The following KCNG3 variants were observed in gnomAD, a reference collection of about 807,000 sequenced individuals.
KCNG3 encodes potassium voltage-gated channel modifier subfamily G member 3.
Under a neutral mutation model 29.0 loss-of-function variants are expected in KCNG3, and 15 were observed. That is an observed-to-expected ratio of 0.52 (90% confidence interval 0.35 to 0.80). The LOEUF (loss-of-function observed/expected upper bound fraction) is 0.80, where lower values mean the gene tolerates loss of function less well. Among genes scored for constraint, KCNG3 ranks in the 30% least tolerant of loss-of-function variants. KCNG3 has a pLI of 0.01. For synonymous variants in KCNG3, 322 were observed against 248.9 expected (o/e 1.29, Z -2.76); for missense variants, 512 against 605.7 (o/e 0.85, Z 1.62).
chr2:42,427,464 G>A, the KCNG3 span, among the ~76,000 whole-genome samples: 1 of 151,998 alleles, frequency 6.6e-6, no homozygotes, highest in Non-Finnish European at 1.5e-5. Context: ...AAATTAGCTG[G>A]GTGTCATGGC....
chr2:42,434,531 G>C, the KCNG3 span, among the ~76,000 whole-genome samples: 1 of 110,422 alleles, frequency 9.1e-6, no homozygotes, highest in Non-Finnish European at 1.9e-5. Context: ...AATAAACAAA[G>C]AAATACAAGG....
At chr2:42,411,103 CATTTTA>C in the KCNG3 span, among the ~76,000 whole-genome samples, 1 of 152,116 alleles carries the variant, frequency 6.6e-6, no homozygotes, top group Non-Finnish European at 1.5e-5. Flanking sequence ...TTTTCTCATG[CATTTTA>C]ATCTTTTTGA....
At position 42,469,208 on chromosome 2, in the gene KCNG3, G is replaced by C. The variant is rs532667604; in HGVS notation, c.665+23629C>G. ...CCGAGGCAGCTGGATCACGAGGTCA[G>C]AAGGTGGAGACCAGCCTGGCCAACA... On this transcript the variant is annotated intron_variant, in intron 1 of 1. Transcript: ENST00000306078. Among the ~76,000 whole-genome samples the C allele has an allele frequency of 2.6e-5, 4 of 152,096 alleles. No homozygotes were observed. In the South Asian group the frequency reaches 8.3e-4, roughly 32 times the overall value.
chr2:42,480,300 C>T (rs567344321), intron 1 of KCNG3, among the ~76,000 whole-genome samples: 7 of 152,304 alleles, frequency 4.6e-5, no homozygotes, highest in African/African-American at 1.4e-4. Context: ...CTCTCATTAT[C>T]CCCATCTTAC....
Position 42,483,147 on chromosome 2 carries a change from G to C in KCNG3, c.665+9690C>G, listed in dbSNP as rs569655796. On this transcript the variant is annotated intron_variant, in intron 1 of 1. Coordinates refer to ENST00000306078, the MANE Select transcript of KCNG3 (RefSeq NM_133329.6). The stretch of plus-strand genomic sequence containing the variant: ...AAAAAATAAAAATAAAAAAACAGCT[G>C]TTCTATTTTTTTAATTACGTTGTTT... Among the ~76,000 whole-genome samples the C allele has an allele frequency of 3.9e-5, 6 of 152,040 alleles. No individual in the cohort carries two copies. In the South Asian group the frequency reaches 1.2e-3, roughly 32 times the overall value.
intron 1 of KCNG3, among the ~76,000 whole-genome samples, chr2:42,446,551 T>C (rs1433871230): frequency 6.6e-6 from 1 of 152,152 alleles, no homozygotes; most frequent in African/African-American, 2.4e-5. Flanking sequence ...CATAATTCTT[T>C]CTCACCACTA....
At position 42,493,172 on chromosome 2, in the gene KCNG3, G is replaced by A; in HGVS notation, c.330C>T (p.Tyr110=). ...YWGLEGAHLE[Y]CCQRRLDDRM... is the part of the protein sequence containing the mutation. The stretch of plus-strand genomic sequence containing the variant: ...GGTCGTCGAGGCGGCGCTGGCAGCA[G>A]TACTCGAGGTGCGCGCCCTCCAGGC... Residue 110 remains tyrosine, a synonymous_variant, in exon 1 of 2, where the codon TAC becomes TAT. Transcript: ENST00000306078. 6.2e-7 allele frequency: 1 copy of A among 1,608,678 alleles called. No individual in the cohort carries two copies. Among genetic ancestry groups the A allele is most frequent in the East Asian group, 2.2e-5 (1 of 44,826 alleles).
chr2:42,442,880 C>T lies in KCNG3; in HGVS notation c.*1054G>A, dbSNP rs551291318. On this transcript the variant is annotated 3_prime_UTR_variant, in exon 2 of 2. Transcript: ENST00000306078. Reference sequence around the variant, plus strand: ...TCAGATCAAATCATTATGTATCCATCGCTTTTACTGGCTTAAAATTGACTT... The same window carrying T: ...TCAGATCAAATCATTATGTATCCATTGCTTTTACTGGCTTAAAATTGACTT... The T allele has an allele frequency of 6.6e-6, 1 of 152,114 alleles. No individual in the cohort carries two copies. Among genetic ancestry groups the T allele is most frequent in the African/African-American group, 2.4e-5 (1 of 41,432 alleles). 9.4% of individuals were successfully genotyped at this position (152,114 alleles called of 1,614,324 possible). A position where few individuals can be genotyped will look rare whatever the true frequency, so the allele number is the denominator to read the frequency against.
the KCNG3 span, among the ~76,000 whole-genome samples, chr2:42,434,773 T>C: frequency 2.7e-5 from 4 of 149,332 alleles, no homozygotes; most frequent in East Asian, 8.0e-4. Flanking sequence ...AATCAACACA[T>C]AGATCACTAG....
intron 1 of KCNG3, among the ~76,000 whole-genome samples, chr2:42,481,934 C>T (rs992808673): frequency 5.9e-5 from 9 of 152,168 alleles, no homozygotes; most frequent in Admixed American, 5.9e-4. Flanking sequence ...TAACACTTAT[C>T]GCCCTCTGGG....
chr2:42,389,483 G>A, the KCNG3 span, among the ~76,000 whole-genome samples: 6 of 152,146 alleles, frequency 3.9e-5, no homozygotes, highest in Non-Finnish European at 7.3e-5. Flanking sequence ...ATTTTAATGA[G>A]CAGTGTCAGA....
the KCNG3 span, among the ~76,000 whole-genome samples, chr2:42,435,856 T>C: frequency 6.6e-6 from 1 of 152,178 alleles, no homozygotes; most frequent in Non-Finnish European, 1.5e-5. Context: ...AGTTAAACAT[T>C]AGCATCTAAC....
At chr2:42,440,288 C>A (rs1312630114), downstream of KCNG3, 1 of 152,020 alleles carries the variant, frequency 6.6e-6, no homozygotes, top group Non-Finnish European at 1.5e-5. Context: ...TCAGAGGACT[C>A]GAAATATTCT....
At chr2:42,419,219 CTTTTTTTTTT>C in the KCNG3 span, among the ~76,000 whole-genome samples, 29 of 27,736 alleles carry the variant, frequency 1.0e-3, no homozygotes, top group East Asian at 0.016. Flanking sequence ...GATGGTATCT[CTTTTTTTTTT>C]TTTTTTTTTT....
chr2:42,472,308 G>A (rs1257472894), intron 1 of KCNG3, among the ~76,000 whole-genome samples: 1 of 152,146 alleles, frequency 6.6e-6, no homozygotes, highest in Non-Finnish European at 1.5e-5. Flanking sequence ...AACTAAAAAG[G>A]CAAGCTCTGG....
the KCNG3 span, among the ~76,000 whole-genome samples, chr2:42,404,387 C>T: frequency 1.3e-5 from 2 of 152,086 alleles, no homozygotes; most frequent in East Asian, 3.9e-4. Flanking sequence ...GAAATGACTC[C>T]CAGAACAGTC....
the KCNG3 span, among the ~76,000 whole-genome samples, chr2:42,405,773 A>C: frequency 6.6e-6 from 1 of 151,372 alleles, no homozygotes; most frequent in Non-Finnish European, 1.5e-5. Context: ...AAGCCCGGCT[A>C]ATTTTTTTAT....
the KCNG3 span, among the ~76,000 whole-genome samples, chr2:42,428,802 G>A: frequency 2.6e-5 from 4 of 151,974 alleles, no homozygotes; most frequent in African/African-American, 9.7e-5. Context: ...CCTGGTTGTG[G>A]GGCCTCCTGC....
At chr2:42,416,358 G>C in the KCNG3 span, among the ~76,000 whole-genome samples, 1 of 152,090 alleles carries the variant, frequency 6.6e-6, no homozygotes, top group African/African-American at 2.4e-5. Flanking sequence ...CATGCCTGTA[G>C]TTCCAGCTAC....
Sources: allele counts gnomAD v4.1 joint callset (sites outside exome capture counted in the v4.1 genomes callset), GRCh38; gene constraint gnomAD v4.1.1; transcripts MANE v1.5; gene names NCBI Gene and HGNC (gene_info 2026-07-23, HGNC 2026-07-21).